The following CARD9 variants were observed in gnomAD, a reference collection of about 807,000 sequenced individuals.
The protein encoded by CARD9 is caspase recruitment domain family member 9, also known as caspase recruitment domain-containing protein 9.
In CARD9, 53 loss-of-function variants were observed where a neutral mutation model predicts 66.0. The ratio of observed to expected loss-of-function variants is 0.80; its 90% confidence interval spans 0.64 to 1.01. The LOEUF is 1.01. Ranked by LOEUF, CARD9 falls within the 50% of genes least tolerant of loss-of-function variation. The probability of loss-of-function intolerance (pLI) is 0.00; values close to 1 mark genes in which losing one functional copy is unlikely to be tolerated. For missense variants in CARD9, 769 were observed against 743.2 expected (o/e 1.03, Z -0.40); for synonymous variants, 387 against 313.8 (o/e 1.23, Z -2.47).
intron 9 of CARD9, 58 bp from the exon 10 acceptor site, chr9:136,366,903 C>T (rs1833137271): frequency 1.9e-6 from 3 of 1,583,588 alleles, no homozygotes. Context: ...TGGACCCGGC[C>T]ACACTGCCCA....
rs1472305486 is a variant in CARD9 at position 136,366,839 on chromosome 9, G to C, written c.1318C>G (p.Leu440Val). ...GSPRRSQELS[L>V]PQDLEDTQLS... ...TGGGTGTCCTCCAGGTCCTGGGGGAGTGAGAGCTTCCAAAGAGAGTCAAGA... is the reference window on the plus strand; with the variant it reads ...TGGGTGTCCTCCAGGTCCTGGGGGACTGAGAGCTTCCAAAGAGAGTCAAGA... The change falls in exon 10 of 13, where the codon CTC (leucine) becomes GTC (valine). Residue 440 changes from leucine to valine, a missense_variant. Transcript: ENST00000371732. 6.2e-7 allele frequency: 1 copy of C among 1,613,074 alleles called. No individual in the cohort carries two copies. The highest frequency in any genetic ancestry group is 1.3e-5 in the African/African-American group (1 of 75,016).
chr9:136,365,309 C>T (rs1833097088), intron 10 of CARD9, 92 bp from the exon 11 acceptor site: 2 of 1,256,208 alleles, frequency 1.6e-6, no homozygotes, highest in South Asian at 2.5e-5. Context: ...TGCAGTGGGG[C>T]TGTCTTCCAA....
intron 10 of CARD9, chr9:136,365,591 A>G (rs533309761): frequency 3.1e-5 from 9 of 292,418 alleles, no homozygotes; most frequent in Non-Finnish European, 5.3e-5. Context: ...GGCCCTGGGG[A>G]GAGAGTTGGG....
intron 11 of CARD9, chr9:136,364,850 C>G (rs1443945977): frequency 1.7e-6 from 1 of 595,738 alleles, no homozygotes; most frequent in African/African-American, 1.9e-5. Flanking sequence ...GGTGCTTGCT[C>G]TCAGGACTCC....
In CARD9 at chr9:136,364,554, T is replaced by C; in HGVS notation, c.1440A>G (p.Ala480=). 4.6e-6 allele frequency: 7 copies of C among 1,538,358 alleles called. No homozygotes were observed. The South Asian group carries it at 8.3e-5, about 18-fold the overall frequency. ...QEQVLRNPHD[A]GLSSGEPPEK... ...CGGGCGGCTCCCCGCTGCTCAGGCC[T>C]GCGTCCTGGAGAAGGGGGAAGGCTC... is the stretch of plus-strand genomic sequence containing the variant. The change falls in exon 12 of 13, where the codon GCA becomes GCG. Residue 480 remains alanine, a synonymous_variant. Transcript: ENST00000371732.
At chr9:136,373,311 C>T (rs1442011696) in intron 1 of CARD9, among the ~76,000 whole-genome samples, 1 of 152,240 alleles carries the variant, frequency 6.6e-6, no homozygotes, top group East Asian at 1.9e-4. Context: ...CCCTTTCCTG[C>T]TTCCCCAGCT....
At chr9:136,367,878 C>G in intron 7 of CARD9, 50 bp from the exon 8 acceptor site, 2 of 1,556,318 alleles carry the variant, frequency 1.3e-6, no homozygotes, top group East Asian at 2.3e-5. Flanking sequence ...CAAGCTTGCC[C>G]TGGGCCCTCG....
chr9:136,364,995 G>A, intron 11 of CARD9, 146 bp downstream of exon 11: 1 of 732,432 alleles, frequency 1.4e-6, no homozygotes, highest in South Asian at 1.7e-5. Context: ...ACCGCACCCC[G>A]AGCACTGTGG....
chr9:136,368,660 C>G (rs1833184091), intron 7 of CARD9, among the ~76,000 whole-genome samples: 1 of 152,214 alleles, frequency 6.6e-6, no homozygotes, highest in Non-Finnish European at 1.5e-5. Context: ...AGACACAGCC[C>G]TGCCCCGCGA....
At chr9:136,370,266 G>A in intron 6 of CARD9, 28 bp downstream of exon 6, 1 of 1,591,746 alleles carries the variant, frequency 6.3e-7, no homozygotes, top group Non-Finnish European at 8.5e-7. Flanking sequence ...GGACCCCAGG[G>A]GCCATGTCTC....
At chr9:136,366,011 C>T (rs9411205) in intron 10 of CARD9, 11,346 of 152,632 alleles carry the variant, frequency 0.074, 1,305 homozygotes, top group East Asian at 0.61. Context: ...TTCACTTCCC[C>T]GTCTGCGGCT....
rs771971148 is a variant in CARD9 at position 136,370,309 on chromosome 9, C to T, written c.936G>A (p.Glu312=). 6 of 1,605,534 alleles carry T rather than the reference C, an allele frequency of 3.7e-6. No individual in the cohort carries two copies. Among genetic ancestry groups the T allele is most frequent in the Non-Finnish European group, 5.1e-6 (6 of 1,179,028 alleles). Residue 312 remains glutamate, a synonymous_variant, in exon 6 of 13, where the codon GAG becomes GAA. Transcript: ENST00000371732. ...GCCCTCCTACCCGGAGGCGTCGGGC[C>T]TCGCCCTGGCGGAGGTCCTTGCGCA... is the stretch of plus-strand genomic sequence containing the variant. The part of the protein sequence containing the change: ...FSLRKDLRQG[E]ARRLRCMEEK...
intron 7 of CARD9, among the ~76,000 whole-genome samples, chr9:136,369,189 C>G (rs894983041): frequency 2.6e-5 from 4 of 152,074 alleles, no homozygotes; most frequent in Non-Finnish European, 4.4e-5. Flanking sequence ...CTCCTGGGCT[C>G]AAGTGATCCG....
chr9:136,364,968 C>T (rs910946433), intron 11 of CARD9, 173 bp downstream of exon 11: 1 of 632,432 alleles, frequency 1.6e-6, no homozygotes, highest in South Asian at 1.9e-5. Context: ...AAGGGGGATC[C>T]ACTTCGCAGC....
chr9:136,370,753 C>A (rs1833245792), intron 4 of CARD9, 52 bp from the exon 5 acceptor site: 1 of 1,610,782 alleles, frequency 6.2e-7, no homozygotes, highest in Non-Finnish European at 8.5e-7. Flanking sequence ...TGACCGCAGA[C>A]CCGTGGGGCC....
chr9:136,364,289 T>G lies in CARD9; in HGVS notation c.*13A>C. ...CGGTGGGTGTGCCCTGGTCGGGGCC[T>G]GCGCTGCTGCGGCTAGGAGCCCTCA... On this transcript the variant is annotated 3_prime_UTR_variant, in exon 13 of 13. Transcript: ENST00000371732. 1 of 1,553,072 alleles carries G rather than the reference T, an allele frequency of 6.4e-7. No homozygotes were observed. Among genetic ancestry groups the G allele is most frequent in the Non-Finnish European group, 8.7e-7 (1 of 1,148,258 alleles).
At chr9:136,368,224 C>T (rs1357359788) in intron 7 of CARD9, among the ~76,000 whole-genome samples, 2 of 152,236 alleles carry the variant, frequency 1.3e-5, no homozygotes, top group African/African-American at 4.8e-5. Context: ...GACGCAGGAG[C>T]GAATGTGCAA....
chr9:136,367,595 C>T (rs1833153448), intron 8 of CARD9, 42 bp downstream of exon 8: 2 of 1,528,548 alleles, frequency 1.3e-6, no homozygotes, highest in East Asian at 2.4e-5. Context: ...GCCCTGCATC[C>T]CACGCGCCGG....
At position 136,371,814 on chromosome 9, in the gene CARD9, C is replaced by G. The variant is rs1588726315; in HGVS notation, c.184+81G>C. ...GCGGGGCTCTCCTGGGGTTGAGGGT[C>G]AGGGTGGCAGAGCGTGCAGCCACCT... On this transcript the variant is annotated intron_variant, in intron 2 of 12. Transcript: ENST00000371732. 59 of 1,536,612 alleles carry G rather than the reference C, an allele frequency of 3.8e-5. No individual in the cohort carries two copies. In the East Asian group the frequency reaches 1.3e-3, roughly 35 times the overall value.
Sources: allele counts gnomAD v4.1 joint callset (sites outside exome capture counted in the v4.1 genomes callset), GRCh38; gene constraint gnomAD v4.1.1; transcripts MANE v1.5; gene names NCBI Gene and HGNC (gene_info 2026-07-23, HGNC 2026-07-21).